Variants in AATF observed in about 807,000 individuals in gnomAD.
The protein encoded by AATF is protein AATF.
Under a neutral mutation model 63.7 loss-of-function variants are expected in AATF, and 48 were observed. The ratio of observed to expected loss-of-function variants is 0.75; its 90% CI spans 0.60 to 0.96. The LOEUF (loss-of-function observed/expected upper bound fraction) is 0.96. Ranked by LOEUF, AATF falls within the 40% of genes least tolerant of loss-of-function variation. The pLI is 0.00. For missense variants in AATF, 639 were observed against 685.7 expected (o/e 0.93, Z 0.76); for synonymous variants, 258 against 247.7 (o/e 1.04, Z -0.39).
At chr17:37,034,297 T>C (rs2071573613) in intron 11 of AATF, among the ~76,000 whole-genome samples, 1 of 152,190 alleles carries the variant, frequency 6.6e-6, no homozygotes, top group South Asian at 2.1e-4. Flanking sequence ...TATCAAAATT[T>C]TTAGGGCCAG....
chr17:37,043,767 C>T (rs1247176743), intron 11 of AATF, among the ~76,000 whole-genome samples: 2 of 152,178 alleles, frequency 1.3e-5, no homozygotes, highest in East Asian at 3.8e-4. Flanking sequence ...TGCCCTCGCT[C>T]GTATGCAGTG....
intron 4 of AATF, among the ~76,000 whole-genome samples, chr17:36,957,388 A>G (rs1351331767): frequency 6.6e-6 from 1 of 152,238 alleles, no homozygotes; most frequent in Non-Finnish European, 1.5e-5. Context: ...GTGTTCGACC[A>G]TGTGAGCAAT....
intron 11 of AATF, 84 bp from the exon 12 acceptor site, chr17:37,056,517 G>T (rs2071799193): frequency 7.4e-7 from 1 of 1,359,728 alleles, no homozygotes; most frequent in African/African-American, 1.4e-5. Flanking sequence ...GAAACAGAAT[G>T]GGGTATTTTC....
intron 11 of AATF, among the ~76,000 whole-genome samples, chr17:37,046,423 G>A (rs1195614342): frequency 6.6e-6 from 1 of 152,160 alleles, no homozygotes; most frequent in Non-Finnish European, 1.5e-5. Context: ...TTGAACGCTC[G>A]GGGGGAGACT....
chr17:37,001,455 G>GGAAA (rs768803573), intron 8 of AATF, among the ~76,000 whole-genome samples: 1 of 72,950 alleles, frequency 1.4e-5, no homozygotes, highest in Admixed American at 1.4e-4. Flanking sequence ...AAGGAAGGAA[G>GGAAA]AAAAAAAAAA....
At chr17:37,011,412 A>T (rs2071389746) in intron 8 of AATF, among the ~76,000 whole-genome samples, 1 of 152,178 alleles carries the variant, frequency 6.6e-6, no homozygotes, top group Non-Finnish European at 1.5e-5. Flanking sequence ...TGAAGATGAT[A>T]GTAGCCTGTA....
chr17:37,054,444 G>T (rs192848076), intron 11 of AATF: 3 of 152,304 alleles, frequency 2.0e-5, no homozygotes, highest in Admixed American at 2.0e-4. Flanking sequence ...GGGACTTTTA[G>T]ATTGAAATAA....
At chr17:36,970,639 A>G in intron 4 of AATF, among the ~76,000 whole-genome samples, 1 of 150,222 alleles carries the variant, frequency 6.7e-6, no homozygotes. Context: ...CTCCTGGCTC[A>G]TGCAGTCTTC....
At chr17:36,958,688 T>C (rs533301968) in intron 4 of AATF, among the ~76,000 whole-genome samples, 36 of 152,214 alleles carry the variant, frequency 2.4e-4, no homozygotes, top group Non-Finnish European at 4.9e-4. Flanking sequence ...GTCAATCTTA[T>C]TTCATCTGTA....
At chr17:36,985,535 G>A (rs2071162000) in intron 4 of AATF, among the ~76,000 whole-genome samples, 1 of 151,128 alleles carries the variant, frequency 6.6e-6, no homozygotes, top group Non-Finnish European at 1.5e-5. Context: ...CCTCCCCGAG[G>A]ACCAGTTTTT....
At chr17:36,997,930 T>C (rs546403627) in intron 8 of AATF, among the ~76,000 whole-genome samples, 1 of 152,312 alleles carries the variant, frequency 6.6e-6, no homozygotes, top group South Asian at 2.1e-4. Context: ...TGCAGTGACC[T>C]GGATGAGATT....
At chr17:36,988,743 G>A (rs898522876) in intron 6 of AATF, 23 bp downstream of exon 6, 2 of 1,610,586 alleles carry the variant, frequency 1.2e-6, no homozygotes, top group Non-Finnish European at 1.7e-6. Flanking sequence ...ATGCGCGCAT[G>A]TATGTGTAAG....
chr17:36,978,989 G>T (rs1323191698), intron 4 of AATF, among the ~76,000 whole-genome samples: 1 of 151,922 alleles, frequency 6.6e-6, no homozygotes, highest in Non-Finnish European at 1.5e-5. Flanking sequence ...TGCCTGGGTA[G>T]CCCGCGAGTT....
chr17:36,997,662 G>A (rs553112262), intron 8 of AATF, among the ~76,000 whole-genome samples: 1 of 152,330 alleles, frequency 6.6e-6, no homozygotes, highest in East Asian at 1.9e-4. Context: ...GGAAAACAGT[G>A]TGGAGATTCC....
chr17:36,978,230 A>G (rs1358821118), intron 4 of AATF, among the ~76,000 whole-genome samples: 1 of 152,064 alleles, frequency 6.6e-6, no homozygotes, highest in Non-Finnish European at 1.5e-5. Context: ...TTCAACTTGT[A>G]CTTACTCCCC....
chr17:37,030,152 C>G (rs2142299651), intron 10 of AATF, among the ~76,000 whole-genome samples: 1 of 150,104 alleles, frequency 6.7e-6, no homozygotes, highest in Non-Finnish European at 1.5e-5. Context: ...CTCAAGCAAT[C>G]CTTCTGCCTC....
At chr17:37,027,517 T>G (rs1160015689) in intron 10 of AATF, among the ~76,000 whole-genome samples, 1 of 152,134 alleles carries the variant, frequency 6.6e-6, no homozygotes, top group African/African-American at 2.4e-5. Flanking sequence ...GTAAAGATAT[T>G]CTACAGAGCA....
intron 4 of AATF, among the ~76,000 whole-genome samples, chr17:36,979,111 C>T (rs1199539370): frequency 6.6e-6 from 1 of 152,000 alleles, no homozygotes; most frequent in African/African-American, 2.4e-5. Flanking sequence ...CAAGTCGGGC[C>T]TGAAATACGA....
chr17:37,035,514 G>A (rs1372411058), intron 11 of AATF, among the ~76,000 whole-genome samples: 1 of 151,960 alleles, frequency 6.6e-6, no homozygotes, highest in African/African-American at 2.4e-5. Context: ...AATCTTTTGG[G>A]AGGATTATTT....
Sources: gnomAD v4.1 joint callset for allele counts (sites outside exome capture counted in the v4.1 genomes callset) on GRCh38, gnomAD v4.1.1 for gene constraint, MANE v1.5 for transcripts, NCBI Gene and HGNC (gene_info 2026-07-23, HGNC 2026-07-21) for gene names.